DCLK3: variants seen among roughly 807,000 people sequenced by gnomAD.
The protein encoded by DCLK3 is serine/threonine-protein kinase DCLK3.
A neutral mutation model predicts 46.4 loss-of-function variants in DCLK3; 30 were observed. That is an observed-to-expected ratio of 0.65 (90% confidence interval 0.48 to 0.88). The LOEUF (loss-of-function observed/expected upper bound fraction) is 0.88. Ranked by LOEUF, DCLK3 falls within the 40% of genes least tolerant of loss-of-function variation. DCLK3 has a pLI of 0.00. For synonymous variants in DCLK3, 401 were observed against 339.2 expected, an observed-to-expected ratio of 1.18 and a Z score of -2.00; for missense variants, 846 against 907.1, an observed-to-expected ratio of 0.93 and a Z score of 0.87.
At chr3:36,740,919 T>C (rs111775915) in intron 1 of DCLK3, among the ~76,000 whole-genome samples, 215 of 152,344 alleles carry the variant, frequency 1.4e-3, no homozygotes, top group Non-Finnish European at 2.6e-3. Context: ...CTACACAGAA[T>C]GTTTTTTGTT....
chr3:36,747,196 C>A (rs1299422808), intron 1 of DCLK3, among the ~76,000 whole-genome samples: 1 of 152,038 alleles, frequency 6.6e-6, no homozygotes, highest in Non-Finnish European at 1.5e-5. Flanking sequence ...AGGGGAAAAA[C>A]CTTTTTTCCT....
intron 1 of DCLK3, among the ~76,000 whole-genome samples, chr3:36,749,650 G>A (rs1701422711): frequency 6.6e-6 from 1 of 152,132 alleles, no homozygotes; most frequent in African/African-American, 2.4e-5. Context: ...ACCAGATGAG[G>A]GGTCAGTCTA....
At chr3:36,715,716 G>A (rs1386303488) in intron 4 of DCLK3, among the ~76,000 whole-genome samples, 195 bp from the exon 5 acceptor site, 2 of 152,208 alleles carry the variant, frequency 1.3e-5, no homozygotes, top group Non-Finnish European at 2.9e-5. Context: ...TGCGATTATT[G>A]AGCATTTGAA....
rs1380670143 is a variant in DCLK3, at chr3:36,713,571, CT to C, written c.*1756del. 6.6e-6 allele frequency: 1 copy of C among 152,232 alleles called. No homozygotes were observed. Among genetic ancestry groups the C allele is most frequent in the East Asian group, 1.9e-4 (1 of 5,192 alleles). The allele number at this position is 152,232 out of a possible 1,614,324, so 9.4% of individuals were successfully genotyped here. ...CAAGCTTCTGAGGTTAAAGCACCAGCTGGTACTTCTTTGATGTGGTTTCAAG... is the reference window on the plus strand; with the variant it reads ...CAAGCTTCTGAGGTTAAAGCACCAGCGGTACTTCTTTGATGTGGTTTCAAG... On this transcript the variant is annotated 3_prime_UTR_variant, in exon 5 of 5. Coordinates refer to ENST00000636136, the MANE Select transcript of DCLK3 (RefSeq NM_001394672.2).
chr3:36,751,284 T>G (rs1271605237), intron 1 of DCLK3, among the ~76,000 whole-genome samples: 1 of 152,124 alleles, frequency 6.6e-6, no homozygotes, highest in African/African-American at 2.4e-5. Context: ...GCAGTGGCCC[T>G]AATACCCACC....
intron 4 of DCLK3, among the ~76,000 whole-genome samples, chr3:36,716,764 C>T (rs1700985506): frequency 6.6e-6 from 1 of 152,234 alleles, no homozygotes; most frequent in African/African-American, 2.4e-5. Context: ...GGGGGCACAT[C>T]CCCTAGGCCC....
At chr3:36,745,283 G>C (rs1701384090) in intron 1 of DCLK3, among the ~76,000 whole-genome samples, 1 of 152,222 alleles carries the variant, frequency 6.6e-6, no homozygotes, top group East Asian at 1.9e-4. Context: ...TAATTAAAAT[G>C]CAAAGAAACC....
At chr3:36,745,326 T>C (rs536800642) in intron 1 of DCLK3, among the ~76,000 whole-genome samples, 10 of 152,368 alleles carry the variant, frequency 6.6e-5, no homozygotes, top group Middle Eastern at 3.4e-3. Flanking sequence ...GTCAGAATTT[T>C]CATCTTGGCT....
intron 4 of DCLK3, among the ~76,000 whole-genome samples, chr3:36,716,759 C>A (rs952863632): frequency 8.5e-5 from 13 of 152,220 alleles, no homozygotes; most frequent in African/African-American, 2.9e-4. Flanking sequence ...GCTCTGGGGG[C>A]ACATCCCCTA....
In DCLK3 at chr3:36,715,208, C is replaced by A; in HGVS notation, c.*120G>T. On this transcript the variant is annotated 3_prime_UTR_variant, in exon 5 of 5. Transcript: ENST00000636136. ...ATATGCTTTAAAATATACTCAGTGT[C>A]TCTCCCTCTGATTCACCAATTATGT... 2.7e-6 allele frequency: 3 copies of A among 1,099,534 alleles called. No homozygotes were observed. Among genetic ancestry groups the A allele is most frequent in the South Asian group, 3.6e-5 (2 of 54,952 alleles). 68.1% of individuals were successfully genotyped at this position (1,099,534 alleles called of 1,614,324 possible). A position where few individuals can be genotyped will look rare whatever the true frequency, so the allele number is the denominator to read the frequency against.
Position 36,764,469 on chromosome 3 carries a change from TC to T in DCLK3, c.-207del, listed in dbSNP as rs1701568974. On this transcript the variant is annotated 5_prime_UTR_variant, in exon 1 of 5. Transcript: ENST00000636136. The surrounding 1 kb of genome is among the most constrained non-coding windows in gnomAD (Gnocchi z 4.9). Reference sequence around the variant, plus strand: ...CCCGGCGACAGCCACCGGGAACGTCTCCGGGGGCGCGGGACTTAGCAACCGC... The same window carrying T: ...CCCGGCGACAGCCACCGGGAACGTCTCGGGGGCGCGGGACTTAGCAACCGC... The T allele has an allele frequency of 6.1e-6, 1 of 165,214 alleles. No individual in the cohort carries two copies. Among genetic ancestry groups the T allele is most frequent in the African/African-American group, 2.4e-5 (1 of 41,530 alleles). 10.2% of individuals were successfully genotyped at this position (165,214 alleles called of 1,614,324 possible).
chr3:36,715,164 CA>C lies in DCLK3; in HGVS notation c.*163del. 2 of 761,782 alleles carry C rather than the reference CA, an allele frequency of 2.6e-6. No individual in the cohort carries two copies. Among genetic ancestry groups the C allele is most frequent in the Non-Finnish European group, 4.0e-6 (2 of 503,982 alleles). The allele number at this position is 761,782 out of a possible 1,614,324, so 47.2% of individuals were successfully genotyped here. A position where few individuals can be genotyped will look rare whatever the true frequency, so the allele number is the denominator to read the frequency against. On this transcript the variant is annotated 3_prime_UTR_variant, in exon 5 of 5. Transcript: ENST00000636136. ...TCTAAAAATATGTTGTGACATTTAA[CA>C]TTGACTTAATTTTTTTAATATGCTT...
intron 1 of DCLK3, among the ~76,000 whole-genome samples, chr3:36,751,636 T>C (rs1265403414): frequency 1.3e-5 from 2 of 152,262 alleles, no homozygotes; most frequent in Non-Finnish European, 2.9e-5. Flanking sequence ...GGATAAACCT[T>C]AGCAGCTTTT....
At chr3:36,751,041 T>C (rs1201276288) in intron 1 of DCLK3, among the ~76,000 whole-genome samples, 1 of 110,358 alleles carries the variant, frequency 9.1e-6, no homozygotes, top group Non-Finnish European at 1.8e-5. Flanking sequence ...TTTTCCCTGA[T>C]ATCCCTGTAG....
chr3:36,736,507 G>A (rs924832684), intron 2 of DCLK3, among the ~76,000 whole-genome samples: 5 of 152,198 alleles, frequency 3.3e-5, no homozygotes, highest in African/African-American at 1.2e-4. Context: ...CTCAACAGAA[G>A]AATGGCATAG....
intron 1 of DCLK3, among the ~76,000 whole-genome samples, chr3:36,747,290 T>C (rs1324336920): frequency 2.0e-5 from 3 of 152,102 alleles, no homozygotes; most frequent in Non-Finnish European, 2.9e-5. Context: ...TTCTTTCATA[T>C]GCATATAAGG....
At chr3:36,719,744 C>A (rs1701033115) in intron 3 of DCLK3, among the ~76,000 whole-genome samples, 1 of 152,234 alleles carries the variant, frequency 6.6e-6, no homozygotes, top group Non-Finnish European at 1.5e-5. Context: ...ACTCCATTAT[C>A]CATCCTGATA....
In DCLK3 at chr3:36,729,180, C is replaced by G. The variant is rs1168745297; in HGVS notation, c.1960-7521G>C. ...TCATCAAGACAGCCAAAGACCCCATCAAATGACCCACTTCAGTGTCCCTGC... is the reference window on the plus strand; with the variant it reads ...TCATCAAGACAGCCAAAGACCCCATGAAATGACCCACTTCAGTGTCCCTGC... On this transcript the variant is annotated intron_variant, in intron 2 of 4. Coordinates refer to ENST00000636136, the MANE Select transcript of DCLK3 (RefSeq NM_001394672.2). Among the ~76,000 whole-genome samples, 8 of 149,136 alleles carry G rather than the reference C, an allele frequency of 5.4e-5. No individual in the cohort carries two copies. In the East Asian group the frequency reaches 1.6e-3, roughly 30 times the overall value.
intron 2 of DCLK3, among the ~76,000 whole-genome samples, chr3:36,724,240 C>T (rs942308868): frequency 7.9e-5 from 12 of 152,146 alleles, no homozygotes; most frequent in Non-Finnish European, 1.6e-4. Flanking sequence ...ACACCTGTAC[C>T]CCGACTGTAT....
Sources: allele counts gnomAD v4.1 joint callset (sites outside exome capture counted in the v4.1 genomes callset), GRCh38; gene constraint gnomAD v4.1.1; non-coding constraint Gnocchi (gnomAD v3.1); transcripts MANE v1.5; gene names NCBI Gene and HGNC (gene_info 2026-07-23, HGNC 2026-07-21).